Variants in LRRTM4 observed in about 807,000 individuals in gnomAD.
LRRTM4 encodes leucine-rich repeat transmembrane neuronal protein 4.
A neutral mutation model predicts 47.6 loss-of-function variants in LRRTM4; 25 were observed. That is an observed-to-expected ratio of 0.53 (90% CI 0.38 to 0.73). LRRTM4 has a LOEUF of 0.73. Ranked by LOEUF, LRRTM4 falls within the 30% of genes least tolerant of loss-of-function variation. The pLI is 0.00. For missense variants in LRRTM4, 638 were observed against 713.4 expected (o/e 0.89, Z 1.20); for synonymous variants, 311 against 269.5 (o/e 1.15, Z -1.51).
intron 3 of LRRTM4, among the ~76,000 whole-genome samples, chr2:77,464,425 GTAATTT>G (rs1676905681): frequency 6.6e-6 from 1 of 151,800 alleles, no homozygotes; most frequent in Non-Finnish European, 1.5e-5. Flanking sequence ...AAAGGTAAAA[GTAATTT>G]ATATATATAA....
chr2:76,752,216 G>A (rs552023129), intron 3 of LRRTM4, among the ~76,000 whole-genome samples: 3 of 152,226 alleles, frequency 2.0e-5, no homozygotes, highest in East Asian at 1.9e-4. Flanking sequence ...ATGAAAATAA[G>A]TAGCTCATAA....
chr2:76,917,726 C>G (rs1019737301), intron 3 of LRRTM4, among the ~76,000 whole-genome samples: 2 of 152,014 alleles, frequency 1.3e-5, no homozygotes, highest in East Asian at 3.9e-4. Flanking sequence ...GCAATATGTC[C>G]CACAAAGGAC....
chr2:77,452,722 T>C (rs72921958), intron 3 of LRRTM4, among the ~76,000 whole-genome samples: 8,308 of 152,228 alleles, frequency 0.055, 722 homozygotes, highest in African/African-American at 0.19. Flanking sequence ...CTGCAAATTA[T>C]GTAGTTAATC....
At chr2:77,138,146 C>T (rs936336725) in intron 3 of LRRTM4, among the ~76,000 whole-genome samples, 7 of 152,332 alleles carry the variant, frequency 4.6e-5, no homozygotes, top group African/African-American at 1.7e-4. Flanking sequence ...CTACAGAACT[C>T]TGTACCCCAA....
At chr2:77,013,859 C>G (rs1162784106) in intron 3 of LRRTM4, among the ~76,000 whole-genome samples, 1 of 152,148 alleles carries the variant, frequency 6.6e-6, no homozygotes, top group Non-Finnish European at 1.5e-5. Context: ...CTGGGAGGGT[C>G]TGTTCTTTCA....
chr2:77,484,943 G>A (rs1677852464), intron 3 of LRRTM4, among the ~76,000 whole-genome samples: 1 of 152,056 alleles, frequency 6.6e-6, no homozygotes, highest in South Asian at 2.1e-4. Context: ...GAGTATCTAG[G>A]TGTTGAAACT....
At chr2:77,304,371 G>T (rs183121849) in intron 3 of LRRTM4, among the ~76,000 whole-genome samples, 36 of 152,176 alleles carry the variant, frequency 2.4e-4, no homozygotes, top group African/African-American at 7.5e-4. Flanking sequence ...TGTATAGTTT[G>T]CAAATATTTT....
intron 3 of LRRTM4, among the ~76,000 whole-genome samples, chr2:77,103,667 A>ATATATATATATCTC (rs145819033): frequency 2.7e-5 from 4 of 146,274 alleles, no homozygotes; most frequent in South Asian, 4.3e-4. Context: ...ATATATAGAT[A>ATATATATATATCTC]TATATATCAC....
chr2:77,472,668 G>C (rs912765333), intron 3 of LRRTM4, among the ~76,000 whole-genome samples: 2 of 152,072 alleles, frequency 1.3e-5, no homozygotes, highest in Non-Finnish European at 2.9e-5. Context: ...TGTTGTAGGG[G>C]CTACTGCGTG....
intron 3 of LRRTM4, among the ~76,000 whole-genome samples, chr2:76,788,007 A>G (rs1674771958): frequency 6.6e-6 from 1 of 152,176 alleles, no homozygotes; most frequent in African/African-American, 2.4e-5. Flanking sequence ...CAAAGTTAAT[A>G]TATGTAAAAA....
At chr2:77,445,212 CTT>C (rs1034629119) in intron 3 of LRRTM4, among the ~76,000 whole-genome samples, 3 of 151,940 alleles carry the variant, frequency 2.0e-5, no homozygotes, top group African/African-American at 7.2e-5. Flanking sequence ...TACCCAATCT[CTT>C]TGTGCCTTGG....
chr2:77,117,866 T>G (rs1183343757), intron 3 of LRRTM4, among the ~76,000 whole-genome samples: 2 of 151,958 alleles, frequency 1.3e-5, no homozygotes, highest in Non-Finnish European at 2.9e-5. Flanking sequence ...TTTCAATAGT[T>G]CATTGGCTTT....
At chr2:77,428,923 T>C (rs1675236833) in intron 3 of LRRTM4, among the ~76,000 whole-genome samples, 1 of 152,212 alleles carries the variant, frequency 6.6e-6, no homozygotes, top group Admixed American at 6.5e-5. Flanking sequence ...TACCTATTGA[T>C]CACTGTTAAT....
chr2:77,082,332 CAT>C (rs1393610929), intron 3 of LRRTM4, among the ~76,000 whole-genome samples: 10 of 152,026 alleles, frequency 6.6e-5, no homozygotes, highest in Non-Finnish European at 1.2e-4. Flanking sequence ...TGATGTGTCT[CAT>C]ATTGAACTCT....
At chr2:76,767,201 G>A (rs7595825) in intron 3 of LRRTM4, among the ~76,000 whole-genome samples, 11,918 of 152,206 alleles carry the variant, frequency 0.078, 1,510 homozygotes, top group African/African-American at 0.26. Flanking sequence ...CATTCTGACT[G>A]ACATGTAATT....
intron 3 of LRRTM4, among the ~76,000 whole-genome samples, chr2:77,224,418 C>T (rs1358731981): frequency 2.6e-5 from 4 of 152,168 alleles, no homozygotes; most frequent in African/African-American, 7.2e-5. Flanking sequence ...TCAGAGCGAA[C>T]AGGCAACCTA....
chr2:76,948,555 C>A (rs1675398878), intron 3 of LRRTM4, among the ~76,000 whole-genome samples: 1 of 151,646 alleles, frequency 6.6e-6, no homozygotes, highest in Non-Finnish European at 1.5e-5. Context: ...ATTTCTTGGG[C>A]TGATTATGAT....
chr2:76,847,909 G>C (rs1334000095), intron 3 of LRRTM4, among the ~76,000 whole-genome samples: 2 of 152,070 alleles, frequency 1.3e-5, no homozygotes, highest in Admixed American at 6.6e-5. Flanking sequence ...CTATCATTCA[G>C]TAAACATTTT....
chr2:77,167,915 C>T (rs939392136), intron 3 of LRRTM4, among the ~76,000 whole-genome samples: 3 of 151,860 alleles, frequency 2.0e-5, no homozygotes, highest in Non-Finnish European at 2.9e-5. Flanking sequence ...TATACCTGTA[C>T]GTTGTGCACA....
Sources: gnomAD v4.1 joint callset for allele counts (sites outside exome capture counted in the v4.1 genomes callset) on GRCh38, gnomAD v4.1.1 for gene constraint, MANE v1.5 for transcripts, NCBI Gene and HGNC (gene_info 2026-07-23, HGNC 2026-07-21) for gene names.